KLHL1: variants seen among roughly 807,000 people sequenced by gnomAD.
KLHL1 encodes the protein kelch-like protein 1.
A neutral mutation model predicts 77.7 loss-of-function variants in KLHL1; 47 were observed. The observed-to-expected ratio is 0.60, with a 90% CI of 0.48 to 0.77. The LOEUF (loss-of-function observed/expected upper bound fraction) is 0.77. Among genes scored for constraint, KLHL1 ranks in the 30% least tolerant of loss-of-function variants. The pLI is 0.00. For missense variants in KLHL1, 925 were observed against 910.8 expected (o/e 1.02, Z -0.20); for synonymous variants, 360 against 325.2 (o/e 1.11, Z -1.15).
intron 6 of KLHL1, among the ~76,000 whole-genome samples, chr13:69,827,674 T>C (rs59297195): frequency 0.084 from 11,909 of 142,008 alleles, 901 homozygotes; most frequent in African/African-American, 0.21. Context: ...GAGGTTTCAG[T>C]GAGCCAAGAT....
At chr13:70,103,374 G>A (rs1026126944) in intron 1 of KLHL1, among the ~76,000 whole-genome samples, 6 of 152,142 alleles carry the variant, frequency 3.9e-5, no homozygotes, top group Admixed American at 6.6e-5. Context: ...TCATCAGTTG[G>A]CGTCCATAGT....
chr13:69,764,820 GA>G (rs1291256414), intron 7 of KLHL1, among the ~76,000 whole-genome samples: 1 of 150,752 alleles, frequency 6.6e-6, no homozygotes, highest in Non-Finnish European at 1.5e-5. Flanking sequence ...GTTCTTCAAA[GA>G]GGAAAACCTA....
chr13:69,963,561 T>G (rs996633309), intron 2 of KLHL1, among the ~76,000 whole-genome samples: 2 of 152,106 alleles, frequency 1.3e-5, no homozygotes, highest in African/African-American at 4.8e-5. Context: ...TAAAATTAAT[T>G]TTAGCTTATG....
chr13:69,915,942 C>T (rs1271076979), intron 4 of KLHL1, among the ~76,000 whole-genome samples: 1 of 152,182 alleles, frequency 6.6e-6, no homozygotes, highest in Non-Finnish European at 1.5e-5. Context: ...AGGATATGAA[C>T]AGACACTTCT....
chr13:69,897,001 T>C (rs1475228332), intron 4 of KLHL1, among the ~76,000 whole-genome samples: 2 of 152,072 alleles, frequency 1.3e-5, no homozygotes, highest in African/African-American at 2.4e-5. Context: ...TTTTTATAAA[T>C]TGAAGATATG....
At chr13:69,770,493 C>T (rs938711195) in intron 7 of KLHL1, among the ~76,000 whole-genome samples, 1 of 152,100 alleles carries the variant, frequency 6.6e-6, no homozygotes. Flanking sequence ...TTAATTTTGT[C>T]TTTATGTATT....
At chr13:69,894,910 T>C (rs1013777176) in intron 4 of KLHL1, 3 of 412,038 alleles carry the variant, frequency 7.3e-6, no homozygotes, top group African/African-American at 2.0e-5. Flanking sequence ...CACCTTGCGG[T>C]TGAGCAGAAC....
At chr13:69,773,041 G>T (rs755691478) in intron 7 of KLHL1, among the ~76,000 whole-genome samples, 33 of 151,334 alleles carry the variant, frequency 2.2e-4, no homozygotes, top group Non-Finnish European at 4.1e-4. Context: ...CCATTACACA[G>T]GCAGAAAACA....
chr13:69,852,332 T>C lies in KLHL1; in HGVS notation c.1228-13170A>G, dbSNP rs7987697. Reference sequence around the variant, plus strand: ...TTCCCTTACTTCTCCCACATTTTATTTCAGAAATGTTAACTCGGATGGTAG... The same window carrying C: ...TTCCCTTACTTCTCCCACATTTTATCTCAGAAATGTTAACTCGGATGGTAG... On this transcript the variant is annotated intron_variant, in intron 5 of 10. Transcript: ENST00000377844. 4.0e-3 allele frequency among the ~76,000 whole-genome samples: 607 copies of C among 152,004 alleles called. 8 individuals are homozygous for C. The highest frequency in any genetic ancestry group is 0.014 in the African/African-American group (575 of 41,518).
At chr13:69,884,596 G>A (rs1881124830) in intron 4 of KLHL1, among the ~76,000 whole-genome samples, 1 of 152,050 alleles carries the variant, frequency 6.6e-6, no homozygotes, top group African/African-American at 2.4e-5. Context: ...ATAAAAAACA[G>A]CTCTATGAAA....
At chr13:69,798,695 T>C (rs1164590241) in intron 6 of KLHL1, among the ~76,000 whole-genome samples, 2 of 152,118 alleles carry the variant, frequency 1.3e-5, no homozygotes, top group African/African-American at 4.8e-5. Flanking sequence ...AACTACATAG[T>C]TGAATAACTT....
At chr13:69,804,800 C>T (rs1877545248) in intron 6 of KLHL1, among the ~76,000 whole-genome samples, 2 of 151,954 alleles carry the variant, frequency 1.3e-5, no homozygotes, top group Non-Finnish European at 2.9e-5. Flanking sequence ...GACCTTGATG[C>T]CATCAAATCA....
intron 1 of KLHL1, among the ~76,000 whole-genome samples, chr13:70,027,285 G>A (rs1231673846): frequency 6.6e-6 from 1 of 152,068 alleles, no homozygotes; most frequent in Non-Finnish European, 1.5e-5. Flanking sequence ...GACAAAGTAA[G>A]AAGCCACGGA....
At chr13:69,806,663 C>T (rs115292760) in intron 6 of KLHL1, among the ~76,000 whole-genome samples, 1 of 152,164 alleles carries the variant, frequency 6.6e-6, no homozygotes, top group Non-Finnish European at 1.5e-5. Flanking sequence ...TGGGAGAAAC[C>T]CTTGACCAAC....
chr13:69,760,716 C>T (rs993477618), intron 7 of KLHL1, among the ~76,000 whole-genome samples: 6 of 151,988 alleles, frequency 3.9e-5, no homozygotes, highest in African/African-American at 1.4e-4. Flanking sequence ...TTTATAAAGA[C>T]TTTTTTCAGG....
At position 70,064,871 on chromosome 13, in the gene KLHL1, A is replaced by G. The variant is rs77647713; in HGVS notation, c.497+42332T>C. ...GTCTACAGTCTGATAAATTTTGACTAATGTGTACATGTATGAAACTACCAC... is the reference window on the plus strand; with the variant it reads ...GTCTACAGTCTGATAAATTTTGACTGATGTGTACATGTATGAAACTACCAC... On this transcript the variant is annotated intron_variant, in intron 1 of 10. Coordinates refer to ENST00000377844, the MANE Select transcript of KLHL1 (RefSeq NM_020866.3). Among the ~76,000 whole-genome samples, 11 of 152,282 alleles carry G rather than the reference A, an allele frequency of 7.2e-5. No individual in the cohort carries two copies. The East Asian group carries it at 1.5e-3, about 21-fold the overall frequency.
intron 3 of KLHL1, among the ~76,000 whole-genome samples, chr13:69,943,637 T>C (rs1482800086): frequency 6.6e-6 from 1 of 151,990 alleles, no homozygotes; most frequent in African/African-American, 2.4e-5. Context: ...TGTATATCAA[T>C]TTTTGTTTCT....
chr13:69,791,228 A>G (rs1228515541), intron 7 of KLHL1, among the ~76,000 whole-genome samples: 2 of 152,036 alleles, frequency 1.3e-5, no homozygotes, highest in African/African-American at 2.4e-5. Flanking sequence ...TCACATTGAT[A>G]ATAATATCAA....
intron 7 of KLHL1, among the ~76,000 whole-genome samples, chr13:69,784,523 G>C (rs1381052879): frequency 6.6e-6 from 1 of 151,898 alleles, no homozygotes; most frequent in Non-Finnish European, 1.5e-5. Flanking sequence ...AAAAAAGGCA[G>C]GGGTTGCAAT....
Sources: gnomAD v4.1 joint callset for allele counts (sites outside exome capture counted in the v4.1 genomes callset) on GRCh38, gnomAD v4.1.1 for gene constraint, MANE v1.5 for transcripts, NCBI Gene and HGNC (gene_info 2026-07-23, HGNC 2026-07-21) for gene names.